Variants in PAK5 observed in about 807,000 individuals in gnomAD.
PAK5 encodes the protein serine/threonine-protein kinase PAK 5.
Under a neutral mutation model 65.9 loss-of-function variants are expected in PAK5, and 16 were observed. The ratio of observed to expected loss-of-function variants is 0.24; its 90% CI spans 0.16 to 0.37. PAK5 has a LOEUF of 0.37. Ranked by LOEUF, PAK5 falls within the 10% of genes least tolerant of loss-of-function variation. The pLI is 1.00. For missense variants in PAK5, 785 were observed against 903.9 expected (o/e 0.87, Z 1.69); for synonymous variants, 371 against 354.9 (o/e 1.05, Z -0.51).
rs185048767 is a variant in PAK5 at position 9,599,884 on chromosome 20, G to A, written c.205-18954C>T. Among the ~76,000 whole-genome samples the A allele has an allele frequency of 1.1e-4, 16 of 151,368 alleles. No homozygotes were observed. The East Asian group carries it at 2.5e-3, about 24-fold the overall frequency. ...TCTAATTTATCATTTTTTTTCTTTC[G>A]GTGCTTGCGCTTTTGGTGTAATTTT... On this transcript the variant is annotated intron_variant, in intron 3 of 9. Transcript: ENST00000353224.
chr20:9,604,436 T>TGGGG (rs753625060), intron 3 of PAK5, among the ~76,000 whole-genome samples: 18 of 152,202 alleles, frequency 1.2e-4, no homozygotes, highest in Admixed American at 2.0e-4. Context: ...GCCTCTTGAA[T>TGGGG]GGGGTCCCCT....
At chr20:9,793,245 T>C (rs892892226) in intron 1 of PAK5, among the ~76,000 whole-genome samples, 1 of 152,160 alleles carries the variant, frequency 6.6e-6, no homozygotes, top group African/African-American at 2.4e-5. Context: ...AACTATATTA[T>C]TGACTTTATG....
At chr20:9,717,949 T>C (rs2048169547) in intron 1 of PAK5, among the ~76,000 whole-genome samples, 1 of 152,058 alleles carries the variant, frequency 6.6e-6, no homozygotes, top group Non-Finnish European at 1.5e-5. Context: ...AAATAGATTC[T>C]CTGGACATTT....
chr20:9,646,507 A>G (rs2047136680), intron 2 of PAK5, among the ~76,000 whole-genome samples: 1 of 152,242 alleles, frequency 6.6e-6, no homozygotes, highest in South Asian at 2.1e-4. Flanking sequence ...CAAGTAGGTC[A>G]ATAAATACAA....
Position 9,538,543 on chromosome 20 carries a change from G to T in PAK5, c.*919C>A, listed in dbSNP as rs540369175. The T allele has an allele frequency of 5.1e-5, 12 of 233,218 alleles. No individual in the cohort carries two copies. The South Asian group carries it at 1.4e-3, about 28-fold the overall frequency. 14.4% of individuals were successfully genotyped at this position (233,218 alleles called of 1,614,324 possible). ...ATCCAATGATCCTAGCACTGAAATT[G>T]CTCCCTGGGAGGGAAATTTGGCCAC... is the stretch of plus-strand genomic sequence containing the variant. On this transcript the variant is annotated 3_prime_UTR_variant, in exon 10 of 10. Transcript: ENST00000353224.
At chr20:9,697,634 C>G (rs1382121213) in intron 2 of PAK5, among the ~76,000 whole-genome samples, 6 of 152,106 alleles carry the variant, frequency 3.9e-5, no homozygotes, top group Admixed American at 1.3e-4. Flanking sequence ...TAATCTTTCT[C>G]TTACCATATA....
intron 3 of PAK5, among the ~76,000 whole-genome samples, chr20:9,641,592 T>C (rs988246919): frequency 5.3e-5 from 8 of 152,028 alleles, no homozygotes; most frequent in South Asian, 4.2e-4. Flanking sequence ...TGCGCTCACA[T>C]TCCTCAGCCC....
intron 1 of PAK5, among the ~76,000 whole-genome samples, chr20:9,825,433 C>T (rs1198020791): frequency 6.6e-6 from 1 of 152,144 alleles, no homozygotes; most frequent in Non-Finnish European, 1.5e-5. Context: ...TAAGGTTCTA[C>T]TTCACTGCTG....
At chr20:9,678,542 G>A (rs867223786) in intron 2 of PAK5, among the ~76,000 whole-genome samples, 1 of 152,162 alleles carries the variant, frequency 6.6e-6, no homozygotes, top group East Asian at 1.9e-4. Context: ...ACTCCAGCCT[G>A]GGTGACAGAG....
At chr20:9,822,743 C>A (rs1569102244) in intron 1 of PAK5, among the ~76,000 whole-genome samples, 3 of 152,180 alleles carry the variant, frequency 2.0e-5, no homozygotes. Context: ...TACTGACTTC[C>A]AACAGTCAGT....
At chr20:9,613,617 G>T (rs566067997) in intron 3 of PAK5, among the ~76,000 whole-genome samples, 24 of 152,340 alleles carry the variant, frequency 1.6e-4, no homozygotes, top group Admixed American at 6.5e-4. Context: ...ATAGCATTTA[G>T]TTCTTAACAA....
chr20:9,827,976 C>T (rs1032917034), intron 1 of PAK5, among the ~76,000 whole-genome samples: 6 of 152,148 alleles, frequency 3.9e-5, no homozygotes, highest in South Asian at 2.1e-4. Flanking sequence ...GGATCACAGG[C>T]GTGCGCCACC....
intron 1 of PAK5, among the ~76,000 whole-genome samples, chr20:9,756,183 G>A (rs1328064131): frequency 6.6e-6 from 1 of 152,208 alleles, no homozygotes; most frequent in African/African-American, 2.4e-5. Flanking sequence ...CATTGAAAAT[G>A]TTAGTTTTCA....
chr20:9,608,004 G>C (rs557374065), intron 3 of PAK5, among the ~76,000 whole-genome samples: 2 of 152,256 alleles, frequency 1.3e-5, no homozygotes, highest in African/African-American at 4.8e-5. Flanking sequence ...GTGCTAGCAG[G>C]AACAGTGTCT....
chr20:9,664,123 G>A (rs1271102466), intron 2 of PAK5, among the ~76,000 whole-genome samples: 1 of 152,160 alleles, frequency 6.6e-6, no homozygotes, highest in Non-Finnish European at 1.5e-5. Flanking sequence ...GGATTACACT[G>A]TACCATAGAA....
intron 1 of PAK5, among the ~76,000 whole-genome samples, chr20:9,727,579 C>T (rs1031315675): frequency 1.3e-5 from 2 of 152,046 alleles, no homozygotes; most frequent in Non-Finnish European, 2.9e-5. Flanking sequence ...TTTTCTGTTT[C>T]TCTCATTCCT....
intron 2 of PAK5, among the ~76,000 whole-genome samples, chr20:9,698,684 T>C (rs2047900823): frequency 6.6e-6 from 1 of 152,150 alleles, no homozygotes; most frequent in Non-Finnish European, 1.5e-5. Context: ...TTTCACTTTG[T>C]TTCACCCGGA....
chr20:9,806,925 G>T (rs1015815396), intron 1 of PAK5, among the ~76,000 whole-genome samples: 1 of 151,998 alleles, frequency 6.6e-6, no homozygotes, highest in African/African-American at 2.4e-5. Flanking sequence ...CTTTCTGAGG[G>T]CCCAAGGACA....
chr20:9,774,424 G>GA (rs1282272274), intron 1 of PAK5, among the ~76,000 whole-genome samples: 1 of 152,172 alleles, frequency 6.6e-6, no homozygotes, highest in Non-Finnish European at 1.5e-5. Context: ...ATACATTGCT[G>GA]ATGGGAGTAT....
Sources: allele counts gnomAD v4.1 joint callset (sites outside exome capture counted in the v4.1 genomes callset), GRCh38; gene constraint gnomAD v4.1.1; transcripts MANE v1.5; gene names NCBI Gene and HGNC (gene_info 2026-07-23, HGNC 2026-07-21).